Variants in PHLDB1 observed in about 807,000 individuals in gnomAD.
PHLDB1 encodes pleckstrin homology-like domain family B member 1.
Under a neutral mutation model 139.3 loss-of-function variants are expected in PHLDB1, and 65 were observed. The ratio of observed to expected loss-of-function variants is 0.47; its 90% confidence interval spans 0.38 to 0.57. PHLDB1 has a LOEUF of 0.57. Ranked by LOEUF, PHLDB1 falls within the 20% of genes least tolerant of loss-of-function variation. The pLI is 0.00. For synonymous variants in PHLDB1, 679 were observed against 734.5 expected (o/e 0.92, Z 1.22); for missense variants, 1,624 against 1,839.7 (o/e 0.88, Z 2.14).
chr11:118,645,714 C>G lies in PHLDB1; in HGVS notation c.3417-21C>G, dbSNP rs782320308. On this transcript the variant is annotated intron_variant, in intron 16 of 22. Transcript: ENST00000600882. The surrounding 1 kb of genome is among the most constrained non-coding windows in gnomAD (Gnocchi z 5.1). ...CCGCCTCAGCTCCTTGATGCACTTCCTCTTCCCCTTCTCTCCCCAGCGCGA... is the reference window on the plus strand; with the variant it reads ...CCGCCTCAGCTCCTTGATGCACTTCGTCTTCCCCTTCTCTCCCCAGCGCGA... 3 of 1,611,922 alleles carry G rather than the reference C, an allele frequency of 1.9e-6. No individual in the cohort carries two copies. In the South Asian group the frequency reaches 3.3e-5, roughly 18 times the overall value.
chr11:118,656,781 C>T lies in PHLDB1; in HGVS notation c.4092C>T (p.Val1364=). Reference sequence around the variant, plus strand: ...AGGCCATGCGTATCTGGATGGATGTCATTGTCACAGGGGCTGAGGGCTACA... The same window carrying T: ...AGGCCATGCGTATCTGGATGGATGTTATTGTCACAGGGGCTGAGGGCTACA... ...SAEAMRIWMD[V]IVTGAEGYTQ... Residue 1364 remains valine, a synonymous_variant, in exon 23 of 23, where the codon GTC becomes GTT. Coordinates refer to ENST00000600882, the MANE Select transcript of PHLDB1 (RefSeq NM_001144758.3). 6.2e-7 allele frequency: 1 copy of T among 1,614,044 alleles called. No individual in the cohort carries two copies. The highest frequency in any genetic ancestry group is 8.5e-7 in the Non-Finnish European group (1 of 1,179,902).
chr11:118,644,230 C>A (rs1469789524), intron 15 of PHLDB1, 56 bp downstream of exon 15: 1 of 1,197,494 alleles, frequency 8.4e-7, no homozygotes. Flanking sequence ...TGGGTAGTTG[C>A]CATGCCTCCT....
intron 12 of PHLDB1, chr11:118,641,244 G>T (rs1946462335): frequency 6.5e-6 from 1 of 153,538 alleles, no homozygotes; most frequent in Non-Finnish European, 1.5e-5. Context: ...GCCACCGAGG[G>T]TGCCCACCAA....
chr11:118,635,835 G>C (rs2136365046), intron 10 of PHLDB1, among the ~76,000 whole-genome samples: 1 of 152,344 alleles, frequency 6.6e-6, no homozygotes, highest in African/African-American at 2.4e-5. Flanking sequence ...CACTGGCCCA[G>C]CAGGAAGGTG....
rs1555123185 is a variant in PHLDB1, at chr11:118,643,477, C to A, written c.2878-323C>A. The A allele has an allele frequency of 5.1e-6, 5 of 982,548 alleles. No individual in the cohort carries two copies. In the South Asian group the frequency reaches 1.4e-4, roughly 28 times the overall value. 60.9% of individuals were successfully genotyped at this position (982,548 alleles called of 1,614,324 possible). On this transcript the variant is annotated intron_variant, in intron 13 of 22. Transcript: ENST00000600882. ...CAGCCTGTTAGTGGCAGAGCTAGGA[C>A]CAGAGGGAACCCAGCTTCTAGTTGG...
At chr11:118,644,504 C>G (rs1947127024) in intron 15 of PHLDB1, 1 of 452,154 alleles carries the variant, frequency 2.2e-6, no homozygotes, top group African/African-American at 2.0e-5. Flanking sequence ...AAATGGTTGC[C>G]TGAGATATTG....
At chr11:118,638,539 C>G (rs1333346297) in intron 10 of PHLDB1, among the ~76,000 whole-genome samples, 1 of 152,046 alleles carries the variant, frequency 6.6e-6, no homozygotes, top group Non-Finnish European at 1.5e-5. Context: ...ACCAGGGAAG[C>G]AGAGGGCCTG....
intron 15 of PHLDB1, chr11:118,644,887 C>T (rs1223518396): frequency 3.7e-6 from 1 of 269,652 alleles, no homozygotes; most frequent in Admixed American, 5.1e-5. Flanking sequence ...TCTCCCCTGC[C>T]TTCTTTCTTG....
intron 15 of PHLDB1, 193 bp downstream of exon 15, chr11:118,644,367 A>G (rs1947102131): frequency 1.7e-6 from 1 of 593,756 alleles, no homozygotes; most frequent in African/African-American, 1.9e-5. Flanking sequence ...AGGGCAGGAG[A>G]CTAAGGGCTT....
rs1490535851 is a variant in PHLDB1 at position 118,610,960 on chromosome 11, G to C, written c.-21-2856G>C. Among the ~76,000 whole-genome samples the C allele has an allele frequency of 6.6e-6, 1 of 152,162 alleles. No homozygotes were observed. Among genetic ancestry groups the C allele is most frequent in the Non-Finnish European group, 1.5e-5 (1 of 68,006 alleles). The stretch of plus-strand genomic sequence containing the variant: ...ACTGGGGCGTCTGTACCCAGCGTGC[G>C]GGAGGGCACCCAGGGCCGGACGCGC... On this transcript the variant is annotated intron_variant, in intron 1 of 22. Transcript: ENST00000600882. The surrounding 1 kb of genome is among the most constrained non-coding windows in gnomAD (Gnocchi z 8.7).
At chr11:118,656,026 A>C in intron 22 of PHLDB1, 134 bp downstream of exon 22, 1 of 711,322 alleles carries the variant, frequency 1.4e-6, no homozygotes, top group Non-Finnish European at 2.5e-6. Flanking sequence ...GGTTGCAAAG[A>C]GCAAGAAGCT....
At chr11:118,640,766 C>G (rs1160173902) in intron 12 of PHLDB1, 2 of 152,398 alleles carry the variant, frequency 1.3e-5, no homozygotes, top group Non-Finnish European at 2.9e-5. Context: ...GGGTTCTGAT[C>G]CTCAGTGAAC....
At chr11:118,635,215 A>T (rs1011339662) in intron 9 of PHLDB1, 178 bp from the exon 10 acceptor site, 2 of 726,456 alleles carry the variant, frequency 2.8e-6, no homozygotes, top group Non-Finnish European at 4.7e-6. Context: ...TCAGCGCTCC[A>T]GGCCATGATG....
intron 9 of PHLDB1, 127 bp from the exon 10 acceptor site, chr11:118,635,266 G>A (rs1308096349): frequency 9.2e-7 from 1 of 1,084,598 alleles, no homozygotes; most frequent in Non-Finnish European, 1.3e-6. Flanking sequence ...GAGCTGGGGG[G>A]AGGCAGGTTT....
In PHLDB1 at chr11:118,645,997, A is replaced by G. The variant is rs1267450033; in HGVS notation, c.3507+172A>G. Among the ~76,000 whole-genome samples the G allele has an allele frequency of 2.0e-5, 3 of 152,172 alleles. No individual in the cohort carries two copies. The highest frequency in any genetic ancestry group is 4.4e-5 in the Non-Finnish European group (3 of 68,026). ...GTATTCTGGCCGGGCGCGGTGGCTC[A>G]TGCCCGTAATCCCAGCACTTCAGGT... On this transcript the variant is annotated intron_variant, in intron 17 of 22. Transcript: ENST00000600882. The surrounding 1 kb of genome is among the most constrained non-coding windows in gnomAD (Gnocchi z 5.1).
At chr11:118,612,335 G>C (rs1940614142) in intron 1 of PHLDB1, among the ~76,000 whole-genome samples, 1 of 152,004 alleles carries the variant, frequency 6.6e-6, no homozygotes, top group Non-Finnish European at 1.5e-5. Flanking sequence ...TTATTATTTT[G>C]TTTTTCTTAA....
Position 118,632,172 on chromosome 11 carries a change from G to A in PHLDB1, c.2255G>A (p.Arg752Gln), listed in dbSNP as rs782615833. ...QESAREAEME[R>Q]ALLQGEREAE... ...GTCTGCCCCCAGGCCGAAATGGAGC[G>A]GGCACTGCTGCAGGGAGAGAGGGAG... The change falls in exon 9 of 23, where the codon CGG becomes CAG. Residue 752 changes from arginine to glutamine, a missense_variant. Coordinates refer to ENST00000600882, the MANE Select transcript of PHLDB1 (RefSeq NM_001144758.3). This position sits in a 1 kb window ranked among gnomAD's most constrained non-coding sequence, Gnocchi z 5.9. The A allele has an allele frequency of 9.3e-6, 15 of 1,613,912 alleles. No individual in the cohort carries two copies. Among genetic ancestry groups the A allele is most frequent in the South Asian group, 4.4e-5 (4 of 91,080 alleles).
At chr11:118,654,347 T>C (rs902210554) in intron 20 of PHLDB1, 3 of 152,248 alleles carry the variant, frequency 2.0e-5, no homozygotes, top group African/African-American at 7.2e-5. Context: ...TATATGTATA[T>C]GCTAACTGCT....
chr11:118,646,259 CAAAAAAAAAA>C (rs58623624), intron 17 of PHLDB1: 5 of 50,370 alleles, frequency 9.9e-5, no homozygotes, highest in Non-Finnish European at 1.6e-4. Flanking sequence ...GACTCCGTCT[CAAAAAAAAAA>C]AAAAAAAAAA....
Sources: allele counts gnomAD v4.1 joint callset (sites outside exome capture counted in the v4.1 genomes callset), GRCh38; gene constraint gnomAD v4.1.1; non-coding constraint Gnocchi (gnomAD v3.1); transcripts MANE v1.5; gene names NCBI Gene and HGNC (gene_info 2026-07-23, HGNC 2026-07-21).